The following FAM3D variants were observed in gnomAD, a reference collection of about 807,000 sequenced individuals.
FAM3D encodes the protein FAM3 metabolism regulating signaling molecule D.
A neutral mutation model predicts 29.8 loss-of-function variants in FAM3D; 26 were observed. That is an observed-to-expected ratio of 0.87 (90% CI 0.64 to 1.21). The LOEUF is 1.21. Ranked by LOEUF, FAM3D falls within the 50% of genes most tolerant of loss-of-function variation. FAM3D has a pLI of 0.00. For missense variants in FAM3D, 253 were observed against 290.9 expected (o/e 0.87, Z 0.95); for synonymous variants, 115 against 102.3 (o/e 1.12, Z -0.75).
chr3:58,653,203 G>T (rs2066696769), intron 3 of FAM3D, among the ~76,000 whole-genome samples: 1 of 152,192 alleles, frequency 6.6e-6, no homozygotes, highest in Non-Finnish European at 1.5e-5. Context: ...AGGAAGGGGT[G>T]CAATCTTAGC....
At chr3:58,645,818 C>G (rs1225294033) in intron 4 of FAM3D, among the ~76,000 whole-genome samples, 192 bp from the exon 5 acceptor site, 1 of 152,222 alleles carries the variant, frequency 6.6e-6, no homozygotes, top group Non-Finnish European at 1.5e-5. Context: ...TCCAACAGCC[C>G]CCACCAGAGC....
rs759769969 is a variant in FAM3D at position 58,634,333 on chromosome 3, C to T, written c.621G>A (p.Glu207=). The T allele has an allele frequency of 2.5e-6, 4 of 1,613,966 alleles. No homozygotes were observed. In the Admixed American group the frequency reaches 6.7e-5, roughly 27 times the overall value. ...LKNSPDTNKY[E]GWPELLEMEG... ...CCATCTCCAGCAGCTCTGGCCATCC[C>T]TCGTATTTGTTTGTGTCTGGGCTGT... The change falls in exon 10 of 10, where the codon GAG becomes GAA. Residue 207 remains glutamate, a synonymous_variant. Transcript: ENST00000358781. This position sits in a 1 kb window ranked among gnomAD's most constrained non-coding sequence, Gnocchi z 4.6.
intron 3 of FAM3D, 61 bp downstream of exon 3, chr3:58,653,613 T>C: frequency 6.8e-7 from 1 of 1,476,400 alleles, no homozygotes. Flanking sequence ...GAGGGAAGAA[T>C]ATGTCTTCGG....
intron 6 of FAM3D, 128 bp downstream of exon 6, chr3:58,643,534 C>T: frequency 9.7e-7 from 1 of 1,036,206 alleles, no homozygotes; most frequent in Non-Finnish European, 1.5e-6. Context: ...CGCTTCCCCT[C>T]CTGAGCTCTA....
intron 1 of FAM3D, among the ~76,000 whole-genome samples, chr3:58,657,918 G>A (rs1423807453): frequency 2.0e-5 from 3 of 152,214 alleles, no homozygotes; most frequent in African/African-American, 4.8e-5. Flanking sequence ...AAAGTTGCCC[G>A]GCAAAGGAAC....
intron 2 of FAM3D, among the ~76,000 whole-genome samples, chr3:58,655,246 A>G (rs1030802525): frequency 4.9e-4 from 74 of 152,166 alleles, no homozygotes; most frequent in African/African-American, 1.6e-3. Context: ...ATGGTATAAA[A>G]ATTCTAGAAT....
At chr3:58,651,713 G>A (rs1306069662) in intron 3 of FAM3D, among the ~76,000 whole-genome samples, 1 of 151,518 alleles carries the variant, frequency 6.6e-6, no homozygotes, top group Non-Finnish European at 1.5e-5. Flanking sequence ...TCGGACTGGG[G>A]CACTCTTCTC....
Position 58,634,674 on chromosome 3 carries a change from A to G in FAM3D, c.586-306T>C, listed in dbSNP as rs1235863210. ...AAATAACAATAATGATAGCAACAATAAAAAGAAGACTCCGACCATGTCTTG... is the reference window on the plus strand; with the variant it reads ...AAATAACAATAATGATAGCAACAATGAAAAGAAGACTCCGACCATGTCTTG... On this transcript the variant is annotated intron_variant, in intron 9 of 9. Transcript: ENST00000358781. The surrounding 1 kb of genome is among the most constrained non-coding windows in gnomAD (Gnocchi z 4.6). Among the ~76,000 whole-genome samples the G allele has an allele frequency of 6.6e-6, 1 of 152,140 alleles. No homozygotes were observed. The highest frequency in any genetic ancestry group is 6.5e-5 in the Admixed American group (1 of 15,278).
chr3:58,652,759 G>T (rs560535139), intron 3 of FAM3D, among the ~76,000 whole-genome samples: 1 of 149,908 alleles, frequency 6.7e-6, no homozygotes, highest in African/African-American at 2.5e-5. Context: ...CCATTCATCT[G>T]TCCATCTACT....
chr3:58,638,176 C>T (rs2364303), intron 7 of FAM3D, among the ~76,000 whole-genome samples: 1 of 151,996 alleles, frequency 6.6e-6, no homozygotes, highest in East Asian at 1.9e-4. Context: ...AAGCCACTGT[C>T]CCAGGGCCCT....
At chr3:58,662,076 C>G (rs2066942113) in intron 1 of FAM3D, among the ~76,000 whole-genome samples, 1 of 152,172 alleles carries the variant, frequency 6.6e-6, no homozygotes, top group Admixed American at 6.5e-5. Context: ...AGTTTGTGCC[C>G]CAGAATTTCT....
At position 58,649,328 on chromosome 3, in the gene FAM3D, G is replaced by C. The variant is rs1223052910; in HGVS notation, c.132C>G (p.Pro44=). 1.2e-6 allele frequency: 2 copies of C among 1,613,780 alleles called. No individual in the cohort carries two copies. Among genetic ancestry groups the C allele is most frequent in the African/African-American group, 2.7e-5 (2 of 74,880 alleles). ...IRLPRWLAAS[P]TKEIQVKKYK... ...ACAGATACTCACGGATCTCCTTGGT[G>C]GGCGAGGCTGCTGGAGAGAAGACAG... Residue 44 remains proline, a synonymous_variant, in exon 4 of 10, where the codon CCC becomes CCG. Transcript: ENST00000358781.
intron 1 of FAM3D, among the ~76,000 whole-genome samples, chr3:58,666,294 A>C (rs1012608233): frequency 6.6e-6 from 1 of 152,142 alleles, no homozygotes; most frequent in African/African-American, 2.4e-5. Context: ...ATAGCTAATC[A>C]ATCATAGCAT....
Position 58,637,195 on chromosome 3 carries a change from T to C in FAM3D, c.404A>G (p.Glu135Gly). ...CAGCACCAGTGCACCCCCCGGAATTTCTTTAAGGAATTTCACTAGGTGCAT... is the reference window on the plus strand; with the variant it reads ...CAGCACCAGTGCACCCCCCGGAATTCCTTTAAGGAATTTCACTAGGTGCAT... The part of the protein sequence containing the change: ...DVMHLVKFLK[E>G]IPGGALVLVA... Residue 135 changes from glutamate (E) to glycine (G), a missense_variant, in exon 8 of 10, where the codon GAA (glutamate) becomes GGA (glycine). Physicochemically the swap from Glu to Gly is moderately conservative, Grantham distance 98. Coordinates refer to ENST00000358781, the MANE Select transcript of FAM3D (RefSeq NM_138805.3). 3 of 1,613,886 alleles carry C rather than the reference T, an allele frequency of 1.9e-6. No individual in the cohort carries two copies. Among genetic ancestry groups the C allele is most frequent in the Non-Finnish European group, 2.5e-6 (3 of 1,179,946 alleles).
At chr3:58,653,894 T>C in intron 2 of FAM3D, 113 bp from the exon 3 acceptor site, 1 of 796,630 alleles carries the variant, frequency 1.3e-6, no homozygotes, top group Non-Finnish European at 2.2e-6. Flanking sequence ...TCAGACCACA[T>C]CCATGCTGGG....
intron 3 of FAM3D, among the ~76,000 whole-genome samples, chr3:58,649,640 A>G (rs1054083293): frequency 6.6e-6 from 1 of 152,110 alleles, no homozygotes; most frequent in African/African-American, 2.4e-5. Context: ...TCACATATAC[A>G]GACACACATG....
At chr3:58,661,614 C>T (rs982979577) in intron 1 of FAM3D, among the ~76,000 whole-genome samples, 8 of 152,312 alleles carry the variant, frequency 5.3e-5, no homozygotes, top group Admixed American at 2.6e-4. Flanking sequence ...GTCTGTATAA[C>T]GTGGTGGCTA....
At chr3:58,653,579 T>C in intron 3 of FAM3D, 95 bp downstream of exon 3, 1 of 1,189,872 alleles carries the variant, frequency 8.4e-7, no homozygotes, top group Non-Finnish European at 1.2e-6. Flanking sequence ...CAGCTTGTCA[T>C]GTCTCCTGGG....
intron 3 of FAM3D, among the ~76,000 whole-genome samples, chr3:58,649,666 G>A (rs199593818): frequency 6.8e-6 from 1 of 146,052 alleles, no homozygotes; most frequent in Admixed American, 6.8e-5. Context: ...ACACACAGAC[G>A]TGTACACACA....
Sources: gnomAD v4.1 joint callset for allele counts (sites outside exome capture counted in the v4.1 genomes callset) on GRCh38, gnomAD v4.1.1 for gene constraint, Gnocchi (gnomAD v3.1) non-coding constraint, MANE v1.5 for transcripts, NCBI Gene and HGNC (gene_info 2026-07-23, HGNC 2026-07-21) for gene names.